BNIP5: variants seen among roughly 807,000 people sequenced by gnomAD.
The protein encoded by BNIP5 is BCL2 interacting protein 5, also known as protein BNIP5.
Under a neutral mutation model 67.3 loss-of-function variants are expected in BNIP5, and 61 were observed. The observed-to-expected ratio is 0.91, with a 90% confidence interval of 0.74 to 1.12. The LOEUF (loss-of-function observed/expected upper bound fraction) is 1.12. BNIP5 is among the 50% of genes most tolerant of loss of function. The pLI is 0.00. For missense variants in BNIP5, 826 were observed against 816.3 expected (o/e 1.01, Z -0.14); for synonymous variants, 317 against 319.0 (o/e 0.99, Z 0.07).
rs140297304 is a variant in BNIP5, at chr6:36,332,352, A to G, written c.-4-1658T>C. 1.6e-3 allele frequency among the ~76,000 whole-genome samples: 241 copies of G among 152,122 alleles called. 2 individuals carry two copies. The highest frequency in any genetic ancestry group is 0.014 in the Middle Eastern group (4 of 294). ...TCGAGGCCCTCCCTGCCTATTGCCCATCAGCACACCCTTTCCCCTCCTACC... is the reference window on the plus strand; with the variant it reads ...TCGAGGCCCTCCCTGCCTATTGCCCGTCAGCACACCCTTTCCCCTCCTACC... On this transcript the variant is annotated intron_variant, in intron 1 of 11. Transcript: ENST00000437635.
rs768245201 is a variant in BNIP5 at position 36,330,334 on chromosome 6, G to C, written c.357C>G (p.Ala119=). 6.2e-7 allele frequency: 1 copy of C among 1,614,182 alleles called. No homozygotes were observed. The highest frequency in any genetic ancestry group is 2.2e-5 in the East Asian group (1 of 44,882). Residue 119 remains alanine, a synonymous_variant, in exon 2 of 12, where the codon GCC becomes GCG. Transcript: ENST00000437635. ...RTGPEEPREK[A]SRRPRGKEGI... ...CCTCCTTCCCCCTTGGCCTCCTGCT[G>C]GCCTTTTCTCTGGGCTCCTCAGGGC...
intron 3 of BNIP5, among the ~76,000 whole-genome samples, chr6:36,328,188 CA>C (rs1426539594): frequency 6.6e-6 from 1 of 152,122 alleles, no homozygotes; most frequent in Non-Finnish European, 1.5e-5. Context: ...GATTCAGCAA[CA>C]AAATGATACC....
At chr6:36,335,680 C>A (rs1471764070) in intron 1 of BNIP5, among the ~76,000 whole-genome samples, 1 of 152,166 alleles carries the variant, frequency 6.6e-6, no homozygotes, top group African/African-American at 2.4e-5. Flanking sequence ...TCCAGAGAGC[C>A]GTTTCATTGA....
At position 36,323,322 on chromosome 6, in the gene BNIP5, CCACCAACA is replaced by C. The variant is rs765466957; in HGVS notation, c.1434_1441del (p.Cys478TrpfsTer11). On this transcript the variant is annotated frameshift_variant, in exon 8 of 12. Transcript: ENST00000437635. LOFTEE classifies it high-confidence loss of function. The stretch of plus-strand genomic sequence containing the variant: ...GCTGCTGGAGGTGGAGGGCCGATGG[CCACCAACA>C]CACAGGGGCAGAAAGCTGGGCCTCT... The C allele has an allele frequency of 2.5e-6, 4 of 1,614,260 alleles. No individual in the cohort carries two copies. Among genetic ancestry groups the C allele is most frequent in the Non-Finnish European group, 3.4e-6 (4 of 1,180,048 alleles).
At position 36,330,553 on chromosome 6, in the gene BNIP5, C is replaced by G; in HGVS notation, c.138G>C (p.Lys46Asn). The change falls in exon 2 of 12, where the codon AAG becomes AAC. Residue 46 changes from lysine (K) to asparagine (N), a missense_variant. By Grantham distance (94) the Lys-to-Asn change is moderately conservative (BLOSUM62 0). Coordinates refer to ENST00000437635, the MANE Select transcript of BNIP5 (RefSeq NM_001010903.5). The stretch of plus-strand genomic sequence containing the variant: ...AATCACTGGTCGTCCAGTGAAGCGC[C>G]TTCCTGGAGGGGGCAGTGGGCAGGG... ...WLSLPTAPSR[K>N]ALHWTTSDWA... 1 of 1,613,932 alleles carries G rather than the reference C, an allele frequency of 6.2e-7. No individual in the cohort carries two copies. Among genetic ancestry groups the G allele is most frequent in the Non-Finnish European group, 8.5e-7 (1 of 1,180,016 alleles).
chr6:36,328,105 G>C (rs1771805043), intron 3 of BNIP5, among the ~76,000 whole-genome samples: 1 of 152,172 alleles, frequency 6.6e-6, no homozygotes, highest in Non-Finnish European at 1.5e-5. Context: ...TTGTGGTTTT[G>C]TGTGAGACTG....
chr6:36,334,210 G>A (rs893320758), intron 1 of BNIP5, among the ~76,000 whole-genome samples: 6 of 152,134 alleles, frequency 3.9e-5, no homozygotes, highest in Non-Finnish European at 5.9e-5. Flanking sequence ...TGATTTGGCC[G>A]CTCCCTCCCT....
intron 11 of BNIP5, among the ~76,000 whole-genome samples, chr6:36,317,596 A>G (rs1266994367): frequency 6.6e-6 from 1 of 152,198 alleles, no homozygotes; most frequent in Non-Finnish European, 1.5e-5. Flanking sequence ...GGTCAAAATC[A>G]GCAACTCCAC....
At chr6:36,333,279 G>A (rs186742235) in intron 1 of BNIP5, among the ~76,000 whole-genome samples, 11 of 152,342 alleles carry the variant, frequency 7.2e-5, no homozygotes, top group Admixed American at 3.3e-4. Flanking sequence ...TGGAGGAAAT[G>A]AGAAATCAGG....
chr6:36,324,038 G>T, intron 7 of BNIP5, 91 bp downstream of exon 7: 12 of 915,514 alleles, frequency 1.3e-5, no homozygotes, highest in Non-Finnish European at 2.0e-5. Context: ...GCAGGACACA[G>T]AAGAGCAGCA....
chr6:36,330,247 G>A lies in BNIP5; in HGVS notation c.444C>T (p.Ala148=), dbSNP rs757791265. 1.9e-6 allele frequency: 3 copies of A among 1,614,190 alleles called. No individual in the cohort carries two copies. The highest frequency in any genetic ancestry group is 2.2e-5 in the South Asian group (2 of 91,080). The change falls in exon 2 of 12, where the codon GCC becomes GCT. Residue 148 remains alanine (A), a synonymous_variant. Transcript: ENST00000437635. ...AAGEPALRKK[A]HHDKKPSRKK... ...TGCGGCTGGGCTTCTTGTCGTGGTG[G>A]GCTTTCTTCCTGAGGGCTGGCTCCC...
rs555760620 is a variant in BNIP5, at chr6:36,330,314, T to C, written c.377A>G (p.Lys126Arg). 5.0e-6 allele frequency: 8 copies of C among 1,614,208 alleles called. No individual in the cohort carries two copies. The South Asian group carries it at 6.6e-5, about 13-fold the overall frequency. Residue 126 changes from lysine (K) to arginine (R), a missense_variant, in exon 2 of 12, where the codon AAG (lysine) becomes AGG (arginine). Transcript: ENST00000437635. ...REKASRRPRG[K>R]EGISQHPEPL... ...CTCCGGATGCTGGGAGATACCCTCC[T>C]TCCCCCTTGGCCTCCTGCTGGCCTT...
In BNIP5 at chr6:36,322,553, G is replaced by T. The variant is rs563163742; in HGVS notation, c.1472-111C>A. On this transcript the variant is annotated intron_variant, in intron 8 of 11. Transcript: ENST00000437635. ...GCAGGGGCTGGTTTCCAGGCTCCTC[G>T]GTGAGTTTCCTGCCCCCGGCTCTGC... The T allele has an allele frequency of 1.1e-5, 13 of 1,219,826 alleles. No individual in the cohort carries two copies. The African/African-American group carries it at 1.7e-4, about 16-fold the overall frequency. 75.6% of individuals were successfully genotyped at this position (1,219,826 alleles called of 1,614,324 possible).
rs778419202 is a variant in BNIP5 at position 36,330,189 on chromosome 6, C to T, written c.502G>A (p.Val168Met). ...TCCTGGTCTTGAGCTGCCTTAGTCA[C>T]CTCGGCCGCGTGTTTCTTGTGACCT... ...KQGHKKHAAE[V>M]TKAAQDQEAR... The change falls in exon 2 of 12, where the codon GTG becomes ATG. Residue 168 changes from valine (V) to methionine (M), a missense_variant. By Grantham distance (21) the Val-to-Met change is conservative. Transcript: ENST00000437635. 2 of 1,614,136 alleles carry T rather than the reference C, an allele frequency of 1.2e-6. No homozygotes were observed. The highest frequency in any genetic ancestry group is 1.1e-5 in the South Asian group (1 of 91,090).
chr6:36,323,430 T>C lies in BNIP5; in HGVS notation c.1334A>G (p.His445Arg), dbSNP rs768937574. 13 of 1,614,138 alleles carry C rather than the reference T, an allele frequency of 8.1e-6. No individual in the cohort carries two copies. Among genetic ancestry groups the C allele is most frequent in the Admixed American group, 3.3e-5 (2 of 60,016 alleles). Residue 445 changes from histidine (H) to arginine (R), a missense_variant, in exon 8 of 12, where the codon CAT (histidine) becomes CGT (arginine). Coordinates refer to ENST00000437635, the MANE Select transcript of BNIP5 (RefSeq NM_001010903.5). ...KRSSFRRAFYHKKHTSKEPRR... is the reference protein window; with the variant it reads ...KRSSFRRAFYRKKHTSKEPRR... ...GGGTTCCTTGGAGGTGTGTTTCTTA[T>C]GGTAAAACGCTCTCCTGAAGCTCGA...
rs545959372 is a variant in BNIP5 at position 36,330,106 on chromosome 6, C to A, written c.585G>T (p.Glu195Asp). Residue 195 changes from glutamate (E) to aspartate (D), a missense_variant, in exon 2 of 12, where the codon GAG (glutamate) becomes GAT (aspartate). Transcript: ENST00000437635. ...SKAAAALRSG[E>D]ADLGPARRGG... ...CCCTGCGAGCTGGGCCCAGGTCAGC[C>A]TCCCCGGAGCGCAAGGCAGCAGCTG... 2.2e-5 allele frequency: 35 copies of A among 1,608,584 alleles called. No individual in the cohort carries two copies. In the East Asian group the frequency reaches 7.6e-4, roughly 35 times the overall value.
Position 36,326,515 on chromosome 6 carries a change from C to G in BNIP5, c.1031G>C (p.Ser344Thr). The part of the protein sequence containing the change: ...VSGHRPSISS[S>T]YGLEEPKVQE... The stretch of plus-strand genomic sequence containing the variant: ...CAACTGCAGAGCCTGCTCACCATAG[C>G]TGCTGGAGATGGAAGGCCGATGGCC... The change falls in exon 5 of 12, where the codon AGC becomes ACC. Residue 344 changes from serine (S) to threonine (T), a missense_variant. By Grantham distance (58) the Ser-to-Thr change is moderately conservative. Transcript: ENST00000437635. 1 of 1,614,214 alleles carries G rather than the reference C, an allele frequency of 6.2e-7. No homozygotes were observed.
At position 36,323,285 on chromosome 6, in the gene BNIP5, C is replaced by T. The variant is rs746346318; in HGVS notation, c.1471+8G>A. ...CTCTGTTACCATGGCAACACCAGGC[C>T]TGCTCACCAAGGCTGCTGGAGGTGG... is the stretch of plus-strand genomic sequence containing the variant. On this transcript the variant is annotated splice_region_variant and intron_variant, in intron 8 of 11. Coordinates refer to ENST00000437635, the MANE Select transcript of BNIP5 (RefSeq NM_001010903.5). The T allele has an allele frequency of 1.2e-6, 2 of 1,614,128 alleles. No homozygotes were observed. Among genetic ancestry groups the T allele is most frequent in the Non-Finnish European group, 1.7e-6 (2 of 1,180,026 alleles).
intron 9 of BNIP5, 141 bp from the exon 10 acceptor site, chr6:36,321,360 A>G: frequency 4.5e-6 from 3 of 666,232 alleles, no homozygotes; most frequent in South Asian, 1.8e-5. Flanking sequence ...GTTAGTTATG[A>G]TGGACCCAGA....
Sources: gnomAD v4.1 joint callset for allele counts (sites outside exome capture counted in the v4.1 genomes callset) on GRCh38, gnomAD v4.1.1 for gene constraint, MANE v1.5 for transcripts, NCBI Gene and HGNC (gene_info 2026-07-23, HGNC 2026-07-21) for gene names.